UBR4: variants seen among roughly 807,000 people sequenced by gnomAD.
UBR4 encodes ubiquitin protein ligase E3 component n-recognin 4, also known as E3 ubiquitin-protein ligase UBR4.
A neutral mutation model predicts 575.6 loss-of-function variants in UBR4; 124 were observed. The ratio of observed to expected loss-of-function variants is 0.22; its 90% CI spans 0.19 to 0.25. The LOEUF (loss-of-function observed/expected upper bound fraction) is 0.25. Ranked by LOEUF, UBR4 falls within the 10% of genes least tolerant of loss-of-function variation. The probability of loss-of-function intolerance (pLI) is 1.00; values close to 1 mark genes in which losing one functional copy is unlikely to be tolerated. For missense variants in UBR4, 4,818 were observed against 6,478.8 expected (o/e 0.74, Z 8.80); for synonymous variants, 2,455 against 2,473.7 (o/e 0.99, Z 0.22).
At chr1:19,130,260 A>T (rs1183091788) in intron 60 of UBR4, among the ~76,000 whole-genome samples, 1 of 152,210 alleles carries the variant, frequency 6.6e-6, no homozygotes. Context: ...AGTCTGGATG[A>T]AAGTACAGGG....
At chr1:19,142,875 AC>A (rs1183177091) in intron 55 of UBR4, among the ~76,000 whole-genome samples, 1 of 152,074 alleles carries the variant, frequency 6.6e-6, no homozygotes, top group African/African-American at 2.4e-5. Flanking sequence ...TAATCCTAGC[AC>A]TTTGGGAGGC....
chr1:19,138,107 T>C lies in UBR4; in HGVS notation c.8806A>G (p.Ser2936Gly). Residue 2936 changes from serine (S) to glycine (G), a missense_variant, in exon 60 of 106, where the codon AGC becomes GGC. Ser to Gly is a moderately conservative substitution (Grantham distance 56). Coordinates refer to ENST00000375254, the MANE Select transcript of UBR4 (RefSeq NM_020765.3). ...HPAGPGSVSS[S>G]TGAISTTTGH... ...GTGGTGGTGCTGATGGCTCCAGTGC[T>C]TGAGCTGACACTTCCTGGTCCAGCC... 3 of 1,599,642 alleles carry C rather than the reference T, an allele frequency of 1.9e-6. No individual in the cohort carries two copies. The highest frequency in any genetic ancestry group is 2.6e-6 in the Non-Finnish European group (3 of 1,171,698).
chr1:19,092,792 C>G, intron 97 of UBR4, 27 bp downstream of exon 97: 1 of 1,586,892 alleles, frequency 6.3e-7, no homozygotes, highest in South Asian at 1.1e-5. Flanking sequence ...CCCCTGTACC[C>G]TCACACTACC....
chr1:19,141,366 G>A lies in UBR4; in HGVS notation c.8469C>T (p.Ser2823=), dbSNP rs764024456. 6.2e-7 allele frequency: 1 copy of A among 1,614,254 alleles called. No individual in the cohort carries two copies. Among genetic ancestry groups the A allele is most frequent in the Non-Finnish European group, 8.5e-7 (1 of 1,180,042 alleles). ...ETMVELAIAL[S]LQQDQQGSSS... is the part of the protein sequence containing the mutation. Reference sequence around the variant, plus strand: ...TTCTACCTTGTTGGTCCTGCTGCAGGCTCAGGGCAATGGCTAGTTCAACCA... The same window carrying A: ...TTCTACCTTGTTGGTCCTGCTGCAGACTCAGGGCAATGGCTAGTTCAACCA... Residue 2823 remains serine (S), a synonymous_variant, in exon 57 of 106, where the codon AGC becomes AGT. Coordinates refer to ENST00000375254, the MANE Select transcript of UBR4 (RefSeq NM_020765.3).
At position 19,096,614 on chromosome 1, in the gene UBR4, G is replaced by A; in HGVS notation, c.13427C>T (p.Ala4476Val). The A allele has an allele frequency of 6.2e-7, 1 of 1,613,664 alleles. No homozygotes were observed. The highest frequency in any genetic ancestry group is 8.5e-7 in the Non-Finnish European group (1 of 1,179,894). The change falls in exon 92 of 106, where the codon GCT becomes GTT. Residue 4476 changes from alanine to valine, a missense_variant. Physicochemically the swap from Ala to Val is moderately conservative, Grantham distance 64. This residue lies in a region of UBR4 where 165 missense variants were observed against 282.3 expected (regional missense o/e 0.58). Transcript: ENST00000375254. ...GCCCCCACACTGGGCCATCACACCA[G>A]CCATTTTATACACTTCTTCTTCATC... ...EEDEEEVYKM[A>V]GVMAQCGGLE...
intron 39 of UBR4, among the ~76,000 whole-genome samples, chr1:19,158,232 T>C (rs115169278): frequency 6.6e-6 from 1 of 152,150 alleles, no homozygotes; most frequent in African/African-American, 2.4e-5. Context: ...ACTGGTCTTT[T>C]AAAAAAATGT....
At chr1:19,107,343 CAGAG>C (rs1300955816) in intron 81 of UBR4, among the ~76,000 whole-genome samples, 1 of 152,130 alleles carries the variant, frequency 6.6e-6, no homozygotes, top group Non-Finnish European at 1.5e-5. Flanking sequence ...AAGCAGCCTG[CAGAG>C]AGAGAGCCAC....
intron 1 of UBR4, among the ~76,000 whole-genome samples, chr1:19,204,530 A>AT (rs1377241112): frequency 1.0e-4 from 15 of 148,870 alleles, no homozygotes; most frequent in South Asian, 8.5e-4. Flanking sequence ...AAATATATAA[A>AT]AAAAAATATA....
intron 43 of UBR4, 81 bp downstream of exon 43, chr1:19,155,359 TA>T: frequency 7.2e-7 from 1 of 1,396,728 alleles, no homozygotes; most frequent in South Asian, 1.3e-5. Flanking sequence ...AAAAATGTTA[TA>T]AAAGAACAAA....
rs36058747 is a variant in UBR4 at position 19,161,811 on chromosome 1, G to T, written c.5027+16C>A. 29 of 1,614,062 alleles carry T rather than the reference G, an allele frequency of 1.8e-5. No homozygotes were observed. In the East Asian group the frequency reaches 6.2e-4, roughly 35 times the overall value. On this transcript the variant is annotated intron_variant, in intron 36 of 105. Coordinates refer to ENST00000375254, the MANE Select transcript of UBR4 (RefSeq NM_020765.3). ...TGCCCAGCAAATCTTCACCTTAAAG[G>T]AAGAACTACCCTTACCAATGCTGGT...
At chr1:19,111,195 C>T (rs189015653) in intron 78 of UBR4, among the ~76,000 whole-genome samples, 2 of 152,366 alleles carry the variant, frequency 1.3e-5, no homozygotes, top group African/African-American at 4.8e-5. Flanking sequence ...CTCCATCTGC[C>T]TGCATTTCAT....
At chr1:19,103,155 T>C (rs1019583503) in intron 87 of UBR4, among the ~76,000 whole-genome samples, 2 of 152,162 alleles carry the variant, frequency 1.3e-5, no homozygotes, top group Admixed American at 1.3e-4. Flanking sequence ...AACAAGACTT[T>C]AAGGTATCAT....
intron 86 of UBR4, 32 bp from the exon 87 acceptor site, chr1:19,104,289 C>T: frequency 1.2e-6 from 2 of 1,610,116 alleles, no homozygotes; most frequent in Non-Finnish European, 1.7e-6. Flanking sequence ...GCTGTGAGAG[C>T]TCTGGATGAA....
chr1:19,165,946 C>A (rs992705259), intron 29 of UBR4, among the ~76,000 whole-genome samples, 189 bp from the exon 30 acceptor site: 2 of 152,204 alleles, frequency 1.3e-5, no homozygotes, highest in African/African-American at 4.8e-5. Context: ...GAATTAATAG[C>A]AGCCCCTCAA....
intron 42 of UBR4, among the ~76,000 whole-genome samples, 181 bp from the exon 43 acceptor site, chr1:19,155,849 C>T (rs1175399196): frequency 1.3e-5 from 2 of 152,184 alleles, no homozygotes; most frequent in Non-Finnish European, 2.9e-5. Flanking sequence ...CACTCTCCTT[C>T]AAGGAATGAG....
At chr1:19,113,528 C>G in intron 77 of UBR4, 171 bp downstream of exon 77, 1 of 927,578 alleles carries the variant, frequency 1.1e-6, no homozygotes, top group Non-Finnish European at 1.6e-6. Context: ...CCATAAATCA[C>G]GGTGGGGGAG....
Position 19,155,064 on chromosome 1 carries a change from G to A in UBR4, c.6312C>T (p.Ser2104=), listed in dbSNP as rs757063241. The A allele has an allele frequency of 7.4e-6, 12 of 1,613,748 alleles. No individual in the cohort carries two copies. The highest frequency in any genetic ancestry group is 5.9e-6 in the Non-Finnish European group (7 of 1,179,984). ...CGGACACACCACCGCCCGCCACCTGGCTGTTACTGTCCTGCTGGCACAAAG... is the reference window on the plus strand; with the variant it reads ...CGGACACACCACCGCCCGCCACCTGACTGTTACTGTCCTGCTGGCACAAAG... ...INHEDLKDSN[S]QVAGGGVSVY... is the part of the protein sequence containing the mutation. Residue 2104 remains serine (S), a synonymous_variant, in exon 44 of 106, where the codon AGC becomes AGT. Coordinates refer to ENST00000375254, the MANE Select transcript of UBR4 (RefSeq NM_020765.3).
chr1:19,208,904 A>G (rs2093159917), intron 1 of UBR4, among the ~76,000 whole-genome samples: 1 of 152,238 alleles, frequency 6.6e-6, no homozygotes, highest in Non-Finnish European at 1.5e-5. Context: ...CAGCCACGTA[A>G]TTTGAAAGTA....
chr1:19,115,365 C>T (rs1385810982), intron 74 of UBR4, 33 bp downstream of exon 74: 2 of 1,605,670 alleles, frequency 1.2e-6, no homozygotes, highest in African/African-American at 2.7e-5. Context: ...GGAATGTGCA[C>T]AGCCCTGGCC....
Sources: gnomAD v4.1 joint callset for allele counts (sites outside exome capture counted in the v4.1 genomes callset) on GRCh38, gnomAD v4.1.1 for gene constraint, gnomAD v4.1.1 regional missense constraint, MANE v1.5 for transcripts, NCBI Gene and HGNC (gene_info 2026-07-23, HGNC 2026-07-21) for gene names.